The following SNX2 variants were observed in gnomAD, a reference collection of about 807,000 sequenced individuals.
The protein encoded by SNX2 is sorting nexin 2.
In SNX2, 25 loss-of-function variants were observed where a neutral mutation model predicts 69.9. The ratio of observed to expected loss-of-function variants is 0.36; its 90% CI spans 0.26 to 0.50. SNX2 has a LOEUF of 0.50. SNX2 is among the 20% of genes least tolerant of loss of function. SNX2 has a pLI of 0.97. For synonymous variants in SNX2, 229 were observed against 200.4 expected, an observed-to-expected ratio of 1.14 and a Z score of -1.20; for missense variants, 551 against 613.3, an observed-to-expected ratio of 0.90 and a Z score of 1.07.
At chr5:122,798,422 A>T (rs563319250) in intron 2 of SNX2, among the ~76,000 whole-genome samples, 3 of 152,366 alleles carry the variant, frequency 2.0e-5, no homozygotes, top group African/African-American at 7.2e-5. Context: ...GATCTCATCA[A>T]CATGAGATAA....
Position 122,830,475 on chromosome 5 carries a change from G to T in SNX2, c.*827G>T, listed in dbSNP as rs1219188525. ...CGTTATCTTCAGAATCTCGTACTTT[G>T]CATATATTTAATTTATTCTTGTCTT... is the stretch of plus-strand genomic sequence containing the variant. On this transcript the variant is annotated 3_prime_UTR_variant, in exon 15 of 15. Transcript: ENST00000379516. Among the ~76,000 whole-genome samples, 1 of 151,948 alleles carries T rather than the reference G, an allele frequency of 6.6e-6. No individual in the cohort carries two copies. Among genetic ancestry groups the T allele is most frequent in the Non-Finnish European group, 1.5e-5 (1 of 67,994 alleles).
intron 8 of SNX2, 22 bp from the exon 9 acceptor site, chr5:122,816,893 C>T (rs1561470357): frequency 2.0e-6 from 3 of 1,503,288 alleles, no homozygotes; most frequent in East Asian, 2.3e-5. Context: ...TTTGTTTGCC[C>T]TTATTTGTCA....
At chr5:122,792,950 G>A (rs550779579) in intron 1 of SNX2, among the ~76,000 whole-genome samples, 11 of 152,160 alleles carry the variant, frequency 7.2e-5, no homozygotes, top group South Asian at 6.2e-4. Flanking sequence ...CTAGAGTAGC[G>A]AAAGTGAAAA....
intron 14 of SNX2, among the ~76,000 whole-genome samples, chr5:122,828,882 GC>G (rs1754217053): frequency 6.6e-6 from 1 of 152,178 alleles, no homozygotes; most frequent in Admixed American, 6.5e-5. Context: ...ACATTGGGAG[GC>G]CGAGGCGGGT....
At chr5:122,788,344 T>C (rs928332516) in intron 1 of SNX2, among the ~76,000 whole-genome samples, 1 of 152,220 alleles carries the variant, frequency 6.6e-6, no homozygotes, top group African/African-American at 2.4e-5. Flanking sequence ...TTGAATCTAA[T>C]GTGTGTAGGC....
intron 1 of SNX2, among the ~76,000 whole-genome samples, chr5:122,789,927 G>A (rs1316683244): frequency 6.6e-6 from 1 of 152,154 alleles, no homozygotes; most frequent in Non-Finnish European, 1.5e-5. Context: ...GCTCTAGTTG[G>A]CTTACCACTT....
chr5:122,791,676 C>T (rs1450842296), intron 1 of SNX2, among the ~76,000 whole-genome samples: 1 of 152,196 alleles, frequency 6.6e-6, no homozygotes, highest in African/African-American at 2.4e-5. Flanking sequence ...CTTGGCCTCC[C>T]AGAGTGCTGG....
At chr5:122,827,880 A>G in intron 14 of SNX2, 1 of 406,874 alleles carries the variant, frequency 2.5e-6, no homozygotes, top group Admixed American at 4.1e-5. Flanking sequence ...TCCCAGTTTT[A>G]GGCCATCAGA....
At chr5:122,806,142 G>GCGCGCACACACACACACACACACACACA in intron 6 of SNX2, among the ~76,000 whole-genome samples, 3 of 130,654 alleles carry the variant, frequency 2.3e-5, no homozygotes, top group Non-Finnish European at 4.9e-5. Context: ...ACACGCGCGC[G>GCGCGCACACACACACACACACACACACA]CACACACACA....
In SNX2 at chr5:122,779,156, G is replaced by C. The variant is rs867331951; in HGVS notation, c.108+3945G>C. On this transcript the variant is annotated intron_variant, in intron 1 of 14. Coordinates refer to ENST00000379516, the MANE Select transcript of SNX2 (RefSeq NM_003100.4). The stretch of plus-strand genomic sequence containing the variant: ...CTGGTTCTTTTTTAAAAACATCTGT[G>C]TTGAGATATGATTTATATATCATAT... 6.7e-4 allele frequency among the ~76,000 whole-genome samples: 102 copies of C among 152,124 alleles called. 2 individuals carry two copies. Among genetic ancestry groups the C allele is most frequent in the African/African-American group, 2.4e-3 (100 of 41,422 alleles).
At chr5:122,783,712 TCTAA>T (rs1232147340) in intron 1 of SNX2, among the ~76,000 whole-genome samples, 10 of 152,180 alleles carry the variant, frequency 6.6e-5, no homozygotes, top group Non-Finnish European at 1.3e-4. Flanking sequence ...GAATGACTCC[TCTAA>T]CTTTGTTATT....
At chr5:122,777,086 T>C (rs1752873501) in intron 1 of SNX2, among the ~76,000 whole-genome samples, 2 of 152,212 alleles carry the variant, frequency 1.3e-5, no homozygotes. Flanking sequence ...CAGTATTTCC[T>C]AGTATACCAA....
chr5:122,806,142 G>GCGCACACGCACACACACACA, intron 6 of SNX2, among the ~76,000 whole-genome samples: 4 of 130,584 alleles, frequency 3.1e-5, no homozygotes, highest in African/African-American at 1.2e-4. Flanking sequence ...ACACGCGCGC[G>GCGCACACGCACACACACACA]CACACACACA....
rs1296425948 is a variant in SNX2, at chr5:122,799,682, C to G, written c.227-10C>G. ...AGTGTTCTTAACTAACTTGTTTAAT[C>G]TATGTCTAGAAGCCACAGAAGAAGT... On this transcript the variant is annotated splice_polypyrimidine_tract_variant and intron_variant, in intron 2 of 14. Coordinates refer to ENST00000379516, the MANE Select transcript of SNX2 (RefSeq NM_003100.4). 2.5e-6 allele frequency: 4 copies of G among 1,606,048 alleles called. No homozygotes were observed. The highest frequency in any genetic ancestry group is 3.4e-6 in the Non-Finnish European group (4 of 1,175,798).
At chr5:122,794,217 A>T (rs75867950) in intron 1 of SNX2, among the ~76,000 whole-genome samples, 12 of 152,056 alleles carry the variant, frequency 7.9e-5, no homozygotes, top group Admixed American at 3.3e-4. Flanking sequence ...AGGCTGAGGC[A>T]GGAGAATCAC....
intron 2 of SNX2, among the ~76,000 whole-genome samples, chr5:122,797,763 A>G (rs1338015710): frequency 1.3e-5 from 2 of 152,164 alleles, no homozygotes; most frequent in Non-Finnish European, 2.9e-5. Context: ...TACAGTTAGC[A>G]CCTATGAAGC....
chr5:122,812,026 A>G (rs879306995), intron 7 of SNX2, among the ~76,000 whole-genome samples: 1 of 152,174 alleles, frequency 6.6e-6, no homozygotes, highest in Non-Finnish European at 1.5e-5. Flanking sequence ...TCTTTCTGAT[A>G]TCTGATAATA....
In SNX2 at chr5:122,833,724, C is replaced by T. The variant is rs1754346167; in HGVS notation, c.*4076C>T. The T allele has an allele frequency of 6.6e-6, 1 of 152,000 alleles. No individual in the cohort carries two copies. The highest frequency in any genetic ancestry group is 1.5e-5 in the Non-Finnish European group (1 of 67,974). 9.4% of individuals were successfully genotyped at this position (152,000 alleles called of 1,614,324 possible). A position where few individuals can be genotyped will look rare whatever the true frequency, so the allele number is the denominator to read the frequency against. On this transcript the variant is annotated 3_prime_UTR_variant, in exon 15 of 15. Transcript: ENST00000379516. ...GGTACTCTTTTTTATTACCCAGATA[C>T]AATAAAGTTTTCCAAGTTTCATTGT...
At chr5:122,795,160 T>C (rs989941749) in intron 1 of SNX2, 106 bp from the exon 2 acceptor site, 67 of 703,554 alleles carry the variant, frequency 9.5e-5, no homozygotes, top group African/African-American at 8.2e-4. Flanking sequence ...TCTTGTTCTT[T>C]CCTCCATTCT....
Sources: allele counts gnomAD v4.1 joint callset (sites outside exome capture counted in the v4.1 genomes callset), GRCh38; gene constraint gnomAD v4.1.1; transcripts MANE v1.5; gene names NCBI Gene and HGNC (gene_info 2026-07-23, HGNC 2026-07-21).